CPAMD8: variants seen among roughly 807,000 people sequenced by gnomAD.
The protein encoded by CPAMD8 is C3 and PZP-like alpha-2-macroglobulin domain-containing protein 8.
In CPAMD8, 146 loss-of-function variants were observed where a neutral mutation model predicts 224.7. That is an observed-to-expected ratio of 0.65 (90% CI 0.57 to 0.75). The LOEUF (loss-of-function observed/expected upper bound fraction) is 0.75. Among genes scored for constraint, CPAMD8 ranks in the 30% least tolerant of loss-of-function variants. The pLI is 0.00. For missense variants in CPAMD8, 2,301 were observed against 2,537.5 expected (o/e 0.91, Z 2.00); for synonymous variants, 966 against 1,044.6 (o/e 0.92, Z 1.45).
rs71180341 is a variant in CPAMD8, at chr19:16,899,898, A to AT, written c.4774-350dup. ...GTTCAAGTTCCCCTCCCAGCCTGGG[A>AT]TTTTTTTTTTTTTTTCAGTTTTTGA... On this transcript the variant is annotated intron_variant, in intron 36 of 41. Coordinates refer to ENST00000443236, the MANE Select transcript of CPAMD8 (RefSeq NM_015692.5). The surrounding 1 kb of genome is among the most constrained non-coding windows in gnomAD (Gnocchi z 5.4). Among the ~76,000 whole-genome samples the AT allele has an allele frequency of 0.29, 40,347 of 140,004 alleles. 5,973 individuals carry two copies. Among genetic ancestry groups the AT allele is most frequent in the Non-Finnish European group, 0.34 (22,370 of 64,884 alleles). The allele number at this position is 140,004 out of a possible 152,430, so 91.8% of individuals were successfully genotyped here.
chr19:16,928,866 G>T, intron 24 of CPAMD8, 76 bp downstream of exon 24: 1 of 1,234,764 alleles, frequency 8.1e-7, no homozygotes, highest in Non-Finnish European at 1.1e-6. Context: ...ATCAAAGCCT[G>T]GCACCAAACA....
At chr19:16,906,391 T>TTCCTTCCTTCC (rs1568459659) in intron 30 of CPAMD8, among the ~76,000 whole-genome samples, 17 of 78,820 alleles carry the variant, frequency 2.2e-4, no homozygotes, top group South Asian at 5.1e-4. Context: ...TCTTTCTTTC[T>TTCCTTCCTTCC]TTCTTTCTTT....
intron 41 of CPAMD8, chr19:16,894,268 G>A (rs974542111): frequency 3.8e-5 from 15 of 397,722 alleles, no homozygotes; most frequent in African/African-American, 1.2e-4. Flanking sequence ...TCCTAGGGAC[G>A]GGCAGATCTC....
Position 16,929,247 on chromosome 19 carries a change from G to T in CPAMD8, c.2846-7C>A. The T allele has an allele frequency of 6.3e-7, 1 of 1,588,378 alleles. No individual in the cohort carries two copies. Among genetic ancestry groups the T allele is most frequent in the Middle Eastern group, 1.8e-4 (1 of 5,604 alleles). On this transcript the variant is annotated splice_polypyrimidine_tract_variant and splice_region_variant and intron_variant, in intron 23 of 41. Coordinates refer to ENST00000443236, the MANE Select transcript of CPAMD8 (RefSeq NM_015692.5). ...GTGGAGATGTGGACTCTCTCTGGAT[G>T]GAGGAAAGGAGATGGGGAGTTGAGA... is the stretch of plus-strand genomic sequence containing the variant.
Position 16,953,947 on chromosome 19 carries a change from T to C in CPAMD8, c.2277-1747A>G, listed in dbSNP as rs143833370. Among the ~76,000 whole-genome samples, 127 of 151,896 alleles carry C rather than the reference T, an allele frequency of 8.4e-4. 1 individual carries two copies. The Middle Eastern group carries it at 0.014, about 16-fold the overall frequency. On this transcript the variant is annotated intron_variant, in intron 19 of 41. Transcript: ENST00000443236. ...TGAGATGCCACTTCATGTACTTAAT[T>C]AGGATATTAAAAAAGAAAAGGCAAG... is the stretch of plus-strand genomic sequence containing the variant.
rs1183335225 is a variant in CPAMD8, at chr19:16,921,927, G to A, written c.3607C>T (p.Arg1203Trp). The A allele has an allele frequency of 7.1e-6, 11 of 1,546,002 alleles. No individual in the cohort carries two copies. Among genetic ancestry groups the A allele is most frequent in the East Asian group, 2.4e-5 (1 of 40,910 alleles). The change falls in exon 27 of 42, where the codon CGG becomes TGG. Residue 1203 changes from arginine (R) to tryptophan (W), a missense_variant. Physicochemically the swap from Arg to Trp is moderately radical, Grantham distance 101. Coordinates refer to ENST00000443236, the MANE Select transcript of CPAMD8 (RefSeq NM_015692.5). ...CACCACATGCTCCCCGATGCGTCCC[G>A]CTCCCCAAACGCGCTGTAGGAGCCA... is the stretch of plus-strand genomic sequence containing the variant. Reference protein sequence around the residue: ...QDGSYSAFGERDASGSMWLTA... With the variant: ...QDGSYSAFGEWDASGSMWLTA...
At position 16,957,833 on chromosome 19, in the gene CPAMD8, GA is replaced by G. The variant is rs767377710; in HGVS notation, c.2276+19del. On this transcript the variant is annotated intron_variant, in intron 19 of 41. Transcript: ENST00000443236. The stretch of plus-strand genomic sequence containing the variant: ...TCACTCAACCGGCAAAGTCAGCGCA[GA>G]AAAGAAATCTTAATGTACCTGATGT... 1.5e-5 allele frequency: 25 copies of G among 1,613,420 alleles called. No homozygotes were observed. The highest frequency in any genetic ancestry group is 1.9e-5 in the Non-Finnish European group (23 of 1,179,660).
intron 13 of CPAMD8, among the ~76,000 whole-genome samples, chr19:16,984,866 A>G (rs988315907): frequency 5.3e-5 from 8 of 152,232 alleles, no homozygotes; most frequent in African/African-American, 1.9e-4. Flanking sequence ...CACATGGGTG[A>G]GCATGCACAC....
chr19:16,893,185 C>T lies in CPAMD8; in HGVS notation c.5581G>A (p.Val1861Ile), dbSNP rs1568438261. Residue 1861 changes from valine (V) to isoleucine (I), a missense_variant, in exon 42 of 42, where the codon GTC becomes ATC. Physicochemically the swap from Val to Ile is conservative, Grantham distance 29. Coordinates refer to ENST00000443236, the MANE Select transcript of CPAMD8 (RefSeq NM_015692.5). ...GAHRPGLLSP[V>I]FVYSPAFQSG... ...TGAAAGGCTGGGCTGTAGACGAAGA[C>T]AGGGCTCAGAAGCCCTGGCCTGTGG... 6.3e-7 allele frequency: 1 copy of T among 1,598,848 alleles called. No homozygotes were observed. Among genetic ancestry groups the T allele is most frequent in the Non-Finnish European group, 8.6e-7 (1 of 1,169,464 alleles).
chr19:16,970,983 C>T lies in CPAMD8; in HGVS notation c.2121G>A (p.Gln707=). ...MTDRVSLNHR[Q]DGGLYTDEAV... ...CCTCATCGGTGTAGAGGCCACCGTCCTGCCGGTGGTTCAGGCTCACTCGGT... is the reference window on the plus strand; with the variant it reads ...CCTCATCGGTGTAGAGGCCACCGTCTTGCCGGTGGTTCAGGCTCACTCGGT... The change falls in exon 18 of 42, where the codon CAG becomes CAA. Residue 707 remains glutamine (Q), a synonymous_variant. Coordinates refer to ENST00000443236, the MANE Select transcript of CPAMD8 (RefSeq NM_015692.5). The T allele has an allele frequency of 6.2e-7, 1 of 1,613,374 alleles. No individual in the cohort carries two copies. Among genetic ancestry groups the T allele is most frequent in the Non-Finnish European group, 8.5e-7 (1 of 1,179,502 alleles).
chr19:16,918,782 T>C (rs1285617811), intron 27 of CPAMD8, among the ~76,000 whole-genome samples: 4 of 148,026 alleles, frequency 2.7e-5, no homozygotes, highest in Non-Finnish European at 5.9e-5. Context: ...ATAGTTTCGA[T>C]CTGTAGTTGA....
chr19:16,997,276 C>T lies in CPAMD8; in HGVS notation c.930G>A (p.Glu310=). The T allele has an allele frequency of 6.3e-7, 1 of 1,577,538 alleles. No individual in the cohort carries two copies. The highest frequency in any genetic ancestry group is 8.7e-7 in the Non-Finnish European group (1 of 1,151,932). The change falls in exon 11 of 42, where the codon GAG becomes GAA. Residue 310 remains glutamate (E), a synonymous_variant. Transcript: ENST00000443236. ...AGATGCTGACCCTGCCCCGGAAGTG[C>T]TCAGGGACGTCCGCTGGGATCATGT... ...VRDMIPADVP[E]HFRGRVSIWA...
In CPAMD8 at chr19:16,984,704, C is replaced by G. The variant is rs114104152; in HGVS notation, c.1396-4018G>C. 9.9e-3 allele frequency among the ~76,000 whole-genome samples: 1,509 copies of G among 152,268 alleles called. 24 individuals carry two copies. Among genetic ancestry groups the G allele is most frequent in the African/African-American group, 0.032 (1,334 of 41,526 alleles). On this transcript the variant is annotated intron_variant, in intron 13 of 41. Coordinates refer to ENST00000443236, the MANE Select transcript of CPAMD8 (RefSeq NM_015692.5). Reference sequence around the variant, plus strand: ...ACTTTCACGACTCAACAAAGATAAACAACCCAATTATTAACAGTAGTGGGG... The same window carrying G: ...ACTTTCACGACTCAACAAAGATAAAGAACCCAATTATTAACAGTAGTGGGG...
At chr19:16,947,037 G>C (rs1194357473) in intron 21 of CPAMD8, 37 bp downstream of exon 21, 1 of 1,555,554 alleles carries the variant, frequency 6.4e-7, no homozygotes, top group Non-Finnish European at 8.7e-7. Flanking sequence ...TTGTGGCCTG[G>C]AGAGGGGGGA....
chr19:16,962,418 G>A (rs951050422), intron 18 of CPAMD8, among the ~76,000 whole-genome samples: 2 of 152,128 alleles, frequency 1.3e-5, no homozygotes, highest in Non-Finnish European at 2.9e-5. Context: ...TAGCCGATTC[G>A]ATCAAGTGGA....
chr19:16,985,521 A>C (rs1193002483), intron 13 of CPAMD8, among the ~76,000 whole-genome samples: 1 of 146,884 alleles, frequency 6.8e-6, no homozygotes, highest in Non-Finnish European at 1.5e-5. Flanking sequence ...TGGATGATAA[A>C]TGGATAGGGG....
intron 26 of CPAMD8, among the ~76,000 whole-genome samples, chr19:16,924,749 AT>A (rs1241412595): frequency 1.3e-5 from 2 of 151,188 alleles, no homozygotes; most frequent in Admixed American, 1.3e-4. Context: ...TCTGGCTAAC[AT>A]TTTTTTTATT....
chr19:16,900,596 A>AAATAATAAT (rs962384715), intron 36 of CPAMD8, among the ~76,000 whole-genome samples: 3 of 151,282 alleles, frequency 2.0e-5, no homozygotes, highest in African/African-American at 7.3e-5. Context: ...ACTCCATCTC[A>AAATAATAAT]AATAATAATA....
chr19:16,921,746 A>T (rs1397181016), intron 27 of CPAMD8, among the ~76,000 whole-genome samples, 159 bp downstream of exon 27: 1 of 152,128 alleles, frequency 6.6e-6, no homozygotes, highest in African/African-American at 2.4e-5. Context: ...CCCAACCTCC[A>T]TCTCTGGAGC....
Sources: allele counts gnomAD v4.1 joint callset (sites outside exome capture counted in the v4.1 genomes callset), GRCh38; gene constraint gnomAD v4.1.1; non-coding constraint Gnocchi (gnomAD v3.1); transcripts MANE v1.5; gene names NCBI Gene and HGNC (gene_info 2026-07-23, HGNC 2026-07-21).